Variants in SAMD12 observed in about 807,000 individuals in gnomAD.
The protein encoded by SAMD12 is sterile alpha motif domain-containing protein 12.
Under a neutral mutation model 15.0 loss-of-function variants are expected in SAMD12, and 9 were observed. That is an observed-to-expected ratio of 0.60 (90% CI 0.36 to 1.05). The LOEUF is 1.05. SAMD12 is among the 50% of genes least tolerant of loss of function. SAMD12 has a pLI of 0.01. For synonymous variants in SAMD12, 86 were observed against 90.1 expected, an observed-to-expected ratio of 0.96 and a Z score of 0.25; for missense variants, 230 against 234.2, an observed-to-expected ratio of 0.98 and a Z score of 0.12.
At chr8:118,388,611 A>G (rs1458592075) in intron 3 of SAMD12, among the ~76,000 whole-genome samples, 6 of 152,146 alleles carry the variant, frequency 3.9e-5, no homozygotes, top group Non-Finnish European at 7.4e-5. Context: ...GTTCTCAAGC[A>G]CCTCACTAGA....
At chr8:118,473,795 A>G (rs2515000) in intron 2 of SAMD12, among the ~76,000 whole-genome samples, 124,236 of 152,068 alleles carry the variant, frequency 0.82, 51,148 homozygotes, top group African/African-American at 0.92. Context: ...GGTGCAGCTG[A>G]CATGGCACAC....
chr8:118,618,768 G>A (rs1258348900), intron 1 of SAMD12, among the ~76,000 whole-genome samples: 1 of 151,730 alleles, frequency 6.6e-6, no homozygotes, highest in Non-Finnish European at 1.5e-5. Flanking sequence ...GAACCCGGGA[G>A]GCGGAGCTTG....
intron 2 of SAMD12, among the ~76,000 whole-genome samples, chr8:118,450,573 C>T (rs779860670): frequency 2.0e-5 from 3 of 152,130 alleles, no homozygotes; most frequent in East Asian, 1.9e-4. Flanking sequence ...AAAACAAAAA[C>T]GAACCATAAA....
intron 2 of SAMD12, among the ~76,000 whole-genome samples, chr8:118,457,682 T>C (rs2130929682): frequency 6.6e-6 from 1 of 152,286 alleles, no homozygotes; most frequent in East Asian, 1.9e-4. Context: ...GAAAACAGTA[T>C]GAAAAGATAA....
chr8:118,552,707 A>C (rs185916002), intron 2 of SAMD12, among the ~76,000 whole-genome samples: 44,024 of 151,826 alleles, frequency 0.29, 10,032 homozygotes, highest in African/African-American at 0.64. Context: ...AAGGAAATAA[A>C]GGGTATTCAA....
At chr8:118,204,115 C>T (rs754981911) in intron 4 of SAMD12, among the ~76,000 whole-genome samples, 15 of 152,080 alleles carry the variant, frequency 9.9e-5, no homozygotes, top group Non-Finnish European at 2.1e-4. Context: ...ATCAAAACCT[C>T]TAATATTAAA....
At chr8:118,321,144 AATATATATATATATATATATATAT>A (rs4053452) in intron 4 of SAMD12, among the ~76,000 whole-genome samples, 2,409 of 94,506 alleles carry the variant, frequency 0.025, 137 homozygotes, top group African/African-American at 0.089. Context: ...ATAGATAATA[AATATATATATATATATATATATAT>A]ATATATATAT....
At chr8:118,204,200 CTTAA>C (rs34434714) in intron 4 of SAMD12, among the ~76,000 whole-genome samples, 15,371 of 150,712 alleles carry the variant, frequency 0.1, 907 homozygotes, top group South Asian at 0.19. Flanking sequence ...GAGAGGTATG[CTTAA>C]TTAATTAATT....
intron 1 of SAMD12, among the ~76,000 whole-genome samples, chr8:118,602,610 A>G (rs1156548215): frequency 6.6e-6 from 1 of 152,076 alleles, no homozygotes; most frequent in Non-Finnish European, 1.5e-5. Flanking sequence ...AGAAATTAAG[A>G]GTTCAAATAT....
chr8:118,351,098 T>A (rs2130596115), intron 4 of SAMD12, among the ~76,000 whole-genome samples: 1 of 152,342 alleles, frequency 6.6e-6, no homozygotes, highest in South Asian at 2.1e-4. Context: ...GGCCAGATCC[T>A]TATGAGCTAT....
chr8:118,301,679 TTTTA>T lies in SAMD12; in HGVS notation c.433+77877_433+77880del, dbSNP rs1461569554. The stretch of plus-strand genomic sequence containing the variant: ...AATGACATCTGTCGTGATGGATATA[TTTTA>T]TTTTTTATTAGTTTTTAAATTATGA... On this transcript the variant is annotated intron_variant, in intron 4 of 4. Transcript: ENST00000409003. Among the ~76,000 whole-genome samples, 6 of 152,358 alleles carry T rather than the reference TTTTA, an allele frequency of 3.9e-5. No homozygotes were observed. The East Asian group carries it at 1.2e-3, about 29-fold the overall frequency.
intron 4 of SAMD12, among the ~76,000 whole-genome samples, chr8:118,257,493 G>C (rs1812974554): frequency 6.6e-6 from 1 of 152,092 alleles, no homozygotes; most frequent in Non-Finnish European, 1.5e-5. Flanking sequence ...ACTCTGGTCA[G>C]GTCAGATTGT....
intron 2 of SAMD12, among the ~76,000 whole-genome samples, chr8:118,532,762 T>C (rs1248802329): frequency 2.6e-5 from 4 of 152,212 alleles, no homozygotes; most frequent in African/African-American, 9.7e-5. Context: ...GTAGTTTGTA[T>C]TTCTGTGGGA....
intron 2 of SAMD12, among the ~76,000 whole-genome samples, chr8:118,461,452 C>T (rs1482793378): frequency 6.6e-6 from 1 of 152,096 alleles, no homozygotes; most frequent in Non-Finnish European, 1.5e-5. Context: ...CAAAGATGTA[C>T]AAAGAACCTC....
intron 4 of SAMD12, among the ~76,000 whole-genome samples, chr8:118,358,182 CA>C (rs1818324241): frequency 6.6e-6 from 1 of 152,084 alleles, no homozygotes; most frequent in Non-Finnish European, 1.5e-5. Context: ...TTTCCTGTTT[CA>C]GAGCTTAGTA....
At chr8:118,608,812 A>G (rs1828040981) in intron 1 of SAMD12, among the ~76,000 whole-genome samples, 1 of 152,154 alleles carries the variant, frequency 6.6e-6, no homozygotes, top group Non-Finnish European at 1.5e-5. Flanking sequence ...ATGTGGGAGG[A>G]AGGCACGAGA....
chr8:118,139,565 C>T, the SAMD12 span, among the ~76,000 whole-genome samples: 1 of 152,008 alleles, frequency 6.6e-6, no homozygotes, highest in African/African-American at 2.4e-5. Flanking sequence ...TCTGTCCTGC[C>T]CAGGCTGCTC....
intron 4 of SAMD12, among the ~76,000 whole-genome samples, chr8:118,264,233 AC>A (rs1324262291): frequency 6.6e-6 from 1 of 152,014 alleles, no homozygotes; most frequent in Non-Finnish European, 1.5e-5. Flanking sequence ...TAGTACAAAT[AC>A]TCATATATCC....
the SAMD12 span, among the ~76,000 whole-genome samples, chr8:118,132,746 C>G: frequency 6.6e-6 from 1 of 152,044 alleles, no homozygotes; most frequent in Non-Finnish European, 1.5e-5. Context: ...AGAGCCTTTC[C>G]ATCCATCTTC....
Sources: allele counts gnomAD v4.1 joint callset (sites outside exome capture counted in the v4.1 genomes callset), GRCh38; gene constraint gnomAD v4.1.1; transcripts MANE v1.5; gene names NCBI Gene and HGNC (gene_info 2026-07-23, HGNC 2026-07-21).